VWA3B: variants seen among roughly 807,000 people sequenced by gnomAD.
The protein encoded by VWA3B is von Willebrand factor A domain-containing protein 3B.
A neutral mutation model predicts 158.3 loss-of-function variants in VWA3B; 138 were observed. That is an observed-to-expected ratio of 0.87 (90% CI 0.76 to 1.00). The LOEUF (loss-of-function observed/expected upper bound fraction) is 1.00. Ranked by LOEUF, VWA3B falls within the 50% of genes least tolerant of loss-of-function variation. The probability of loss-of-function intolerance (pLI) is 0.00; values close to 1 mark genes in which losing one functional copy is unlikely to be tolerated. For synonymous variants in VWA3B, 596 were observed against 587.3 expected (o/e 1.01, Z -0.21); for missense variants, 1,555 against 1,565.1 (o/e 0.99, Z 0.11).
chr2:98,238,425 T>TTCATA, intron 19 of VWA3B, among the ~76,000 whole-genome samples: 1 of 152,336 alleles, frequency 6.6e-6, no homozygotes, highest in African/African-American at 2.4e-5. Context: ...GGACAGCTCC[T>TTCATA]TCATATTCTC....
At chr2:98,277,714 C>T (rs535973515) in intron 22 of VWA3B, among the ~76,000 whole-genome samples, 1 of 152,194 alleles carries the variant, frequency 6.6e-6, no homozygotes, top group South Asian at 2.1e-4. Flanking sequence ...AAAATGCACA[C>T]AGGGAGGCAG....
intron 12 of VWA3B, among the ~76,000 whole-genome samples, chr2:98,195,310 A>C (rs1306518840): frequency 6.6e-6 from 1 of 152,196 alleles, no homozygotes; most frequent in African/African-American, 2.4e-5. Flanking sequence ...TATGTATCAG[A>C]AACATCTTTA....
At position 98,199,516 on chromosome 2, in the gene VWA3B, C is replaced by T. The variant is rs538704986; in HGVS notation, c.1737+5024C>T. Among the ~76,000 whole-genome samples, 499 of 152,288 alleles carry T rather than the reference C, an allele frequency of 3.3e-3. 1 individual carries two copies. Among genetic ancestry groups the T allele is most frequent in the African/African-American group, 0.011 (468 of 41,548 alleles). On this transcript the variant is annotated intron_variant, in intron 12 of 27. Transcript: ENST00000477737. ...GTACTAGCTCCCTGAGCCCCAATTT[C>T]CGCAGGGTGAAACAATGAGGACCAG... is the stretch of plus-strand genomic sequence containing the variant.
intron 26 of VWA3B, among the ~76,000 whole-genome samples, chr2:98,311,581 C>T (rs933376164): frequency 6.6e-6 from 1 of 152,120 alleles, no homozygotes; most frequent in African/African-American, 2.4e-5. Flanking sequence ...AGGACGGGTC[C>T]GTATACTCAA....
At chr2:98,174,720 A>G (rs765141416) in intron 8 of VWA3B, among the ~76,000 whole-genome samples, 14 of 152,196 alleles carry the variant, frequency 9.2e-5, no homozygotes, top group Non-Finnish European at 1.3e-4. Context: ...GGGCATGCCC[A>G]GGCTATGCAT....
intron 7 of VWA3B, among the ~76,000 whole-genome samples, chr2:98,147,789 G>A (rs1410352555): frequency 1.1e-4 from 16 of 150,266 alleles, no homozygotes; most frequent in Admixed American, 2.0e-4. Flanking sequence ...CCATGTTGGT[G>A]TGCTGCACCC....
intron 21 of VWA3B, among the ~76,000 whole-genome samples, chr2:98,257,633 G>A (rs1270759865): frequency 6.6e-6 from 1 of 151,768 alleles, no homozygotes; most frequent in Non-Finnish European, 1.5e-5. Context: ...AATGACCAAT[G>A]ATGTTAAACA....
intron 8 of VWA3B, among the ~76,000 whole-genome samples, chr2:98,166,601 G>A (rs1356054266): frequency 2.0e-5 from 3 of 152,230 alleles, no homozygotes; most frequent in African/African-American, 4.8e-5. Flanking sequence ...GAAAATAAAT[G>A]TCTGTCCTTT....
chr2:98,170,409 C>A (rs1437329301), intron 8 of VWA3B, among the ~76,000 whole-genome samples: 1 of 152,118 alleles, frequency 6.6e-6, no homozygotes, highest in East Asian at 1.9e-4. Context: ...TTTCAAAAGA[C>A]AAGGAAATGG....
At chr2:98,279,757 C>T (rs565496203) in intron 22 of VWA3B, among the ~76,000 whole-genome samples, 21 of 152,274 alleles carry the variant, frequency 1.4e-4, no homozygotes, top group Middle Eastern at 6.8e-3. Flanking sequence ...ACCAATACCC[C>T]GGCTTCCTCC....
At chr2:98,114,673 C>A (rs77635695) in intron 2 of VWA3B, among the ~76,000 whole-genome samples, 1 of 152,160 alleles carries the variant, frequency 6.6e-6, no homozygotes, top group East Asian at 1.9e-4. Flanking sequence ...AATAATCATC[C>A]GATAAAAAAC....
At position 98,188,749 on chromosome 2, in the gene VWA3B, CA is replaced by C. The variant is rs371686244; in HGVS notation, c.1466+624del. Among the ~76,000 whole-genome samples, 392 of 152,242 alleles carry C rather than the reference CA, an allele frequency of 2.6e-3. 1 individual carries two copies. Among genetic ancestry groups the C allele is most frequent in the African/African-American group, 8.0e-3 (331 of 41,540 alleles). ...AAGCTCAACTGAGACAAAGGGCCAA[CA>C]AAACATTGTTAAGTCAAGGTTGCCA... On this transcript the variant is annotated intron_variant, in intron 10 of 27. Transcript: ENST00000477737.
intron 25 of VWA3B, among the ~76,000 whole-genome samples, chr2:98,300,956 A>C (rs776095542): frequency 6.6e-6 from 1 of 152,186 alleles, no homozygotes; most frequent in Non-Finnish European, 1.5e-5. Context: ...ACAGGCACAA[A>C]GTGGAGTAGA....
chr2:98,176,251 C>CCCTT (rs1291872882), intron 8 of VWA3B, among the ~76,000 whole-genome samples: 9 of 151,680 alleles, frequency 5.9e-5, no homozygotes, highest in African/African-American at 2.2e-4. Flanking sequence ...TTTCTCCCCT[C>CCCTT]CCTTCCTTCC....
chr2:98,220,594 A>G (rs912515087), intron 14 of VWA3B, among the ~76,000 whole-genome samples: 31 of 152,138 alleles, frequency 2.0e-4, no homozygotes, highest in South Asian at 4.1e-4. Context: ...CAGCAATCCC[A>G]TTACTCGGTA....
At chr2:98,231,542 C>A (rs185330693) in intron 16 of VWA3B, among the ~76,000 whole-genome samples, 1 of 152,224 alleles carries the variant, frequency 6.6e-6, no homozygotes, top group Admixed American at 6.5e-5. Flanking sequence ...GAAGCAATAT[C>A]TACAGTCAAA....
chr2:98,243,743 TCA>T (rs1304874380), intron 19 of VWA3B, among the ~76,000 whole-genome samples: 1 of 152,230 alleles, frequency 6.6e-6, no homozygotes, highest in African/African-American at 2.4e-5. Context: ...TGCAGGTGTT[TCA>T]GTTTGAAAGG....
chr2:98,286,109 T>C (rs76015017), intron 22 of VWA3B, among the ~76,000 whole-genome samples: 27,548 of 152,104 alleles, frequency 0.18, 2,728 homozygotes, highest in Admixed American at 0.28. Flanking sequence ...GTTGATTTTT[T>C]CAGTACACTT....
intron 22 of VWA3B, among the ~76,000 whole-genome samples, chr2:98,271,827 TCTGA>T (rs1321074201): frequency 6.6e-6 from 1 of 152,236 alleles, no homozygotes; most frequent in African/African-American, 2.4e-5. Flanking sequence ...AAACCTACTC[TCTGA>T]CTATACATGG....
Sources: allele counts gnomAD v4.1 joint callset (sites outside exome capture counted in the v4.1 genomes callset), GRCh38; gene constraint gnomAD v4.1.1; transcripts MANE v1.5; gene names NCBI Gene and HGNC (gene_info 2026-07-23, HGNC 2026-07-21).